H3-3A: variants seen among roughly 807,000 people sequenced by gnomAD.
H3-3A encodes the protein histone H3.3.
For synonymous variants in H3-3A, 49 were observed against 61.4 expected (o/e 0.80, Z 0.95); for missense variants, 7 against 184.0 (o/e 0.04, Z 5.57).
intron 2 of H3-3A, among the ~76,000 whole-genome samples, chr1:226,065,109 TAAA>T (rs918354223): frequency 6.6e-6 from 1 of 152,146 alleles, no homozygotes; most frequent in Admixed American, 6.6e-5. Context: ...AATTACTTAG[TAAA>T]AAAAACTTTT....
rs780928290 is a variant in H3-3A, at chr1:226,065,826, G to A, written c.282+17G>A. The stretch of plus-strand genomic sequence containing the variant: ...GCTTTGCAGGTAAAATGGTGGGTGG[G>A]AAGACTCAGAGTTTGTATTCCTGTT... On this transcript the variant is annotated intron_variant, in intron 3 of 3. Transcript: ENST00000366815. The A allele has an allele frequency of 7.6e-6, 12 of 1,568,882 alleles. No homozygotes were observed. The highest frequency in any genetic ancestry group is 1.0e-5 in the Non-Finnish European group (12 of 1,150,548).
In H3-3A at chr1:226,071,878, A is replaced by G. The variant is rs1040783945; in HGVS notation, c.*399A>G. 2.4e-5 allele frequency: 5 copies of G among 211,386 alleles called. No individual in the cohort carries two copies. The highest frequency in any genetic ancestry group is 3.8e-5 in the Non-Finnish European group (4 of 105,886). The allele number at this position is 211,386 out of a possible 1,614,324, so 13.1% of individuals were successfully genotyped here. On this transcript the variant is annotated 3_prime_UTR_variant, in exon 4 of 4. Transcript: ENST00000366815. ...GGTGTTTGTAGCATTTTTATCATACAGTAGATTCCATCCATTCACTATACT... is the reference window on the plus strand; with the variant it reads ...GGTGTTTGTAGCATTTTTATCATACGGTAGATTCCATCCATTCACTATACT...
rs148060720 is a variant in H3-3A at position 226,067,049 on chromosome 1, A to G, written c.282+1240A>G. Reference sequence around the variant, plus strand: ...TAATAGCCGATTATCTTCAGTTCTTATTTATTACTAAATACAGAAATGTTA... The same window carrying G: ...TAATAGCCGATTATCTTCAGTTCTTGTTTATTACTAAATACAGAAATGTTA... On this transcript the variant is annotated intron_variant, in intron 3 of 3. Coordinates refer to ENST00000366815, the MANE Select transcript of H3-3A (RefSeq NM_002107.7). 203 of 152,310 alleles carry G rather than the reference A, an allele frequency of 1.3e-3. 3 individuals carry two copies. The highest frequency in any genetic ancestry group is 4.7e-3 in the African/African-American group (197 of 41,576). The allele number at this position is 152,310 out of a possible 1,614,324, so 9.4% of individuals were successfully genotyped here.
At chr1:226,068,241 C>T (rs551141337) in intron 3 of H3-3A, among the ~76,000 whole-genome samples, 5 of 152,266 alleles carry the variant, frequency 3.3e-5, no homozygotes, top group Non-Finnish European at 5.9e-5. Flanking sequence ...CAGATCCTCT[C>T]GTAGGAGTTC....
At chr1:226,063,406 G>A (rs1408227315) in intron 1 of H3-3A, among the ~76,000 whole-genome samples, 3 of 135,244 alleles carry the variant, frequency 2.2e-5, no homozygotes, top group Non-Finnish European at 3.2e-5. Flanking sequence ...GAAACTTGAT[G>A]CATTTGAAAT....
chr1:226,071,674 G>A lies in H3-3A; in HGVS notation c.*195G>A, dbSNP rs962025865. The A allele has an allele frequency of 1.5e-5, 5 of 344,548 alleles. No individual in the cohort carries two copies. The South Asian group carries it at 3.2e-4, about 22-fold the overall frequency. 21.3% of individuals were successfully genotyped at this position (344,548 alleles called of 1,614,324 possible). On this transcript the variant is annotated 3_prime_UTR_variant, in exon 4 of 4. Transcript: ENST00000366815. ...AGTTTTTCCATTTTCATTTGTGTGT[G>A]AATTTTTAATATAAATGCGGAGACG...
In H3-3A at chr1:226,067,807, A is replaced by G. The variant is rs150585393; in HGVS notation, c.282+1998A>G. On this transcript the variant is annotated intron_variant, in intron 3 of 3. Coordinates refer to ENST00000366815, the MANE Select transcript of H3-3A (RefSeq NM_002107.7). ...TGGAATAGGATAATAGAAGATCGCA[A>G]TTGAAGTAGAAATCCAAAGGTCCTT... Among the ~76,000 whole-genome samples the G allele has an allele frequency of 7.0e-3, 1,068 of 152,206 alleles. 7 individuals carry two copies. The highest frequency in any genetic ancestry group is 0.011 in the Non-Finnish European group (757 of 68,012).
intron 3 of H3-3A, among the ~76,000 whole-genome samples, chr1:226,069,756 G>A (rs1407335970): frequency 1.3e-5 from 2 of 152,162 alleles, no homozygotes; most frequent in Non-Finnish European, 2.9e-5. Flanking sequence ...GCCTGAGCTC[G>A]GGAGGTGGAG....
chr1:226,064,655 A>G (rs1160770350), intron 2 of H3-3A, among the ~76,000 whole-genome samples, 176 bp downstream of exon 2: 1 of 152,206 alleles, frequency 6.6e-6, no homozygotes, highest in African/African-American at 2.4e-5. Flanking sequence ...TATAAAGTTA[A>G]GTATTAGGTT....
chr1:226,065,571 A>AT lies in H3-3A; in HGVS notation c.129-83dup, dbSNP rs1657897890. 3.1e-6 allele frequency: 3 copies of AT among 958,300 alleles called. No individual in the cohort carries two copies. In the East Asian group the frequency reaches 7.4e-5, roughly 24 times the overall value. 59.4% of individuals were successfully genotyped at this position (958,300 alleles called of 1,614,324 possible). On this transcript the variant is annotated intron_variant, in intron 2 of 3. Coordinates refer to ENST00000366815, the MANE Select transcript of H3-3A (RefSeq NM_002107.7). ...TGTTGGGTGGCTTATTTTTTGAAAG[A>AT]TTACTGCATTTCTTTGAAGCTGCCC...
rs1019043653 is a variant in H3-3A at position 226,071,253 on chromosome 1, T to C, written c.283-98T>C. The C allele has an allele frequency of 4.4e-6, 4 of 914,316 alleles. No homozygotes were observed. The African/African-American group carries it at 6.7e-5, about 15-fold the overall frequency. The allele number at this position is 914,316 out of a possible 1,614,324, so 56.6% of individuals were successfully genotyped here. Reference sequence around the variant, plus strand: ...GTCAGCATCTTGCCCAGTCATTTTTTTAAAGGGTTCAAAAACCTTTTTGTT... The same window carrying C: ...GTCAGCATCTTGCCCAGTCATTTTTCTAAAGGGTTCAAAAACCTTTTTGTT... On this transcript the variant is annotated intron_variant, in intron 3 of 3. Coordinates refer to ENST00000366815, the MANE Select transcript of H3-3A (RefSeq NM_002107.7).
chr1:226,067,065 A>G (rs1300149364), intron 3 of H3-3A: 1 of 152,246 alleles, frequency 6.6e-6, no homozygotes, highest in Non-Finnish European at 1.5e-5. Context: ...TACTAAATAC[A>G]GAAATGTTAC....
chr1:226,065,436 G>A (rs912086108), intron 2 of H3-3A, among the ~76,000 whole-genome samples: 2 of 152,150 alleles, frequency 1.3e-5, no homozygotes, highest in Non-Finnish European at 2.9e-5. Flanking sequence ...TGAATTTCTT[G>A]CTAAGAATGC....
chr1:226,064,262 T>C (rs1657846551), intron 1 of H3-3A, 67 bp from the exon 2 acceptor site: 1 of 1,122,180 alleles, frequency 8.9e-7, no homozygotes, highest in Non-Finnish European at 1.3e-6. Flanking sequence ...GAGGGGGTGA[T>C]CGTGGCAGGA....
chr1:226,068,463 G>C (rs568319672), intron 3 of H3-3A, among the ~76,000 whole-genome samples: 1 of 152,144 alleles, frequency 6.6e-6, no homozygotes, highest in Admixed American at 6.5e-5. Flanking sequence ...CTGTAATCCC[G>C]AGGTGCCAGG....
At position 226,065,743 on chromosome 1, in the gene H3-3A, G is replaced by T; in HGVS notation, c.216G>T (p.Val72=). 6.2e-7 allele frequency: 1 copy of T among 1,609,194 alleles called. No homozygotes were observed. The highest frequency in any genetic ancestry group is 1.1e-5 in the South Asian group (1 of 90,900). ...LIRKLPFQRL[V]REIAQDFKTD... is the part of the protein sequence containing the mutation. ...GCAAACTTCCCTTCCAGCGTCTGGT[G>T]CGAGAAATTGCTCAGGACTTTAAAA... The change falls in exon 3 of 4, where the codon GTG becomes GTT. Residue 72 remains valine, a synonymous_variant. Coordinates refer to ENST00000366815, the MANE Select transcript of H3-3A (RefSeq NM_002107.7).
Position 226,067,593 on chromosome 1 carries a change from T to G in H3-3A, c.282+1784T>G, listed in dbSNP as rs552947458. 4.6e-5 allele frequency among the ~76,000 whole-genome samples: 7 copies of G among 152,110 alleles called. No homozygotes were observed. In the South Asian group the frequency reaches 1.5e-3, roughly 32 times the overall value. On this transcript the variant is annotated intron_variant, in intron 3 of 3. Transcript: ENST00000366815. ...CCTTCTCTACTAAAAATACAAAAAATTAGCTTGGCGTGGTGGCAGGCGCCT... is the reference window on the plus strand; with the variant it reads ...CCTTCTCTACTAAAAATACAAAAAAGTAGCTTGGCGTGGTGGCAGGCGCCT...
chr1:226,070,210 G>A (rs976956081), intron 3 of H3-3A, among the ~76,000 whole-genome samples: 2 of 152,158 alleles, frequency 1.3e-5, no homozygotes. Flanking sequence ...GGCCAGTTGC[G>A]GTGGCTCACT....
At chr1:226,070,724 G>T (rs1390687884) in intron 3 of H3-3A, among the ~76,000 whole-genome samples, 1 of 152,168 alleles carries the variant, frequency 6.6e-6, no homozygotes, top group Non-Finnish European at 1.5e-5. Flanking sequence ...AGTGAGCCGA[G>T]ATCGCGCTAC....
Sources: allele counts gnomAD v4.1 joint callset (sites outside exome capture counted in the v4.1 genomes callset), GRCh38; gene constraint gnomAD v4.1.1; transcripts MANE v1.5; gene names NCBI Gene and HGNC (gene_info 2026-07-23, HGNC 2026-07-21).